The following SPDYE1 variants were observed in gnomAD, a reference collection of about 807,000 sequenced individuals.
The protein encoded by SPDYE1 is speedy/RINGO cell cycle regulator family member E1, also known as speedy protein E1.
SPDYE1 carries 29 observed loss-of-function variants against 45.9 expected under a neutral mutation model. That is an observed-to-expected ratio of 0.63 (90% confidence interval 0.47 to 0.86). The LOEUF (loss-of-function observed/expected upper bound fraction) is 0.86, where lower values mean the gene tolerates loss of function less well. SPDYE1 is among the 40% of genes least tolerant of loss of function. The probability of loss-of-function intolerance (pLI) is 0.00; values close to 1 mark genes in which losing one functional copy is unlikely to be tolerated. For missense variants in SPDYE1, 346 were observed against 481.4 expected, an observed-to-expected ratio of 0.72 and a Z score of 2.63; for synonymous variants, 134 against 176.8, an observed-to-expected ratio of 0.76 and a Z score of 1.92.
rs1237808617 is a variant in SPDYE1 at position 44,009,650 on chromosome 7, A to G, written c.*1029A>G. On this transcript the variant is annotated 3_prime_UTR_variant, in exon 9 of 9. Transcript: ENST00000693451. ...TATTTAAATGTTATTATTACTTTAA[A>G]TATTATTTTAAATATTTTGGAAATA... 17 of 149,338 alleles carry G rather than the reference A, an allele frequency of 1.1e-4. No individual in the cohort carries two copies. In the East Asian group the frequency reaches 2.9e-3, roughly 26 times the overall value. 9.3% of individuals were successfully genotyped at this position (149,338 alleles called of 1,614,324 possible). A position where few individuals can be genotyped will look rare whatever the true frequency, so the allele number is the denominator to read the frequency against.
rs1391685273 is a variant in SPDYE1, at chr7:44,007,201, A to C, written c.753-67A>C. 2.1e-5 allele frequency: 34 copies of C among 1,611,934 alleles called. No homozygotes were observed. In the East Asian group the frequency reaches 7.6e-4, roughly 36 times the overall value. On this transcript the variant is annotated intron_variant, in intron 6 of 8. Transcript: ENST00000693451. ...ACGGTCCCTTACCTTCCTCTCTGGG[A>C]AGCTGACCTCAGCCGGAGGTCTCTC...
intron 8 of SPDYE1, among the ~76,000 whole-genome samples, chr7:44,008,458 G>C (rs548578027): frequency 1.3e-5 from 2 of 152,362 alleles, no homozygotes; most frequent in African/African-American, 4.8e-5. Flanking sequence ...GACCTTGGGT[G>C]TATTAAGTGA....
Position 44,001,211 on chromosome 7 carries a change from C to G in SPDYE1, c.306C>G (p.Leu102=). Residue 102 remains leucine, a synonymous_variant, in exon 3 of 9, where the codon CTC becomes CTG. Coordinates refer to ENST00000693451, the MANE Select transcript of SPDYE1 (RefSeq NM_001378423.2). ...GGGTAGTGGAGACGCTGTGTGGGCT[C>G]AAGATGAAGCTGAAGCAACAGCGAG... The part of the protein sequence containing the change: ...ETWVVETLCG[L]KMKLKQQRVS... 6.3e-7 allele frequency: 1 copy of G among 1,598,082 alleles called. No homozygotes were observed. The highest frequency in any genetic ancestry group is 8.5e-7 in the Non-Finnish European group (1 of 1,179,894).
At chr7:43,999,254 C>T (rs1344868553) in intron 1 of SPDYE1, among the ~76,000 whole-genome samples, 3 of 152,150 alleles carry the variant, frequency 2.0e-5, no homozygotes, top group East Asian at 1.9e-4. Flanking sequence ...GTCTCTTGGA[C>T]TCAAAATTGC....
chr7:44,007,614 G>A, intron 7 of SPDYE1, 28 bp downstream of exon 7: 1 of 1,612,470 alleles, frequency 6.2e-7, no homozygotes, highest in Non-Finnish European at 8.5e-7. Flanking sequence ...AGGTGGAGGA[G>A]GTGGGGAGGA....
At position 44,007,641 on chromosome 7, in the gene SPDYE1, G is replaced by A. The variant is rs933409863; in HGVS notation, c.1071+55G>A. On this transcript the variant is annotated intron_variant, in intron 7 of 8. Transcript: ENST00000693451. ...TGGGGAGGAATTGGGTGGGCTGGAG[G>A]CTGGATGAGGGGAGAGAGGGGTATC... The A allele has an allele frequency of 6.6e-5, 106 of 1,612,110 alleles. 2 individuals are homozygous for A. The Middle Eastern group carries it at 1.6e-3, about 24-fold the overall frequency.
Position 44,008,945 on chromosome 7 carries a change from C to T in SPDYE1, c.*324C>T, listed in dbSNP as rs1173767948. ...GGGCACCACCACCCTTTTTATATTG[C>T]TGAATTCCAACCTCCCTGGGGCGGA... On this transcript the variant is annotated 3_prime_UTR_variant, in exon 9 of 9. Transcript: ENST00000693451. 29 of 527,638 alleles carry T rather than the reference C, an allele frequency of 5.5e-5. 1 individual carries two copies. The Admixed American group carries it at 5.7e-4, about 10-fold the overall frequency. The allele number at this position is 527,638 out of a possible 1,614,324, so 32.7% of individuals were successfully genotyped here.
chr7:44,005,959 G>A (rs1478119337), intron 6 of SPDYE1, among the ~76,000 whole-genome samples: 3 of 152,002 alleles, frequency 2.0e-5, no homozygotes, highest in Non-Finnish European at 4.4e-5. Flanking sequence ...TCCCCGCTGG[G>A]GTCTCCTGGA....
At chr7:44,003,012 G>A (rs1165824837) in intron 4 of SPDYE1, among the ~76,000 whole-genome samples, 195 bp downstream of exon 4, 44 of 67,584 alleles carry the variant, frequency 6.5e-4, no homozygotes, top group Admixed American at 8.9e-4. Context: ...AAAGGTCAGC[G>A]CTTGGGATAA....
Position 44,001,644 on chromosome 7 carries a change from A to G in SPDYE1, c.379+360A>G, listed in dbSNP as rs1471115030. On this transcript the variant is annotated intron_variant, in intron 3 of 8. Coordinates refer to ENST00000693451, the MANE Select transcript of SPDYE1 (RefSeq NM_001378423.2). ...ACTCCAGCCTGGGTGACAGAGCAAA[A>G]CCCTGTGTCAAAAGAAAAACGAAGG... is the stretch of plus-strand genomic sequence containing the variant. Among the ~76,000 whole-genome samples, 7 of 152,068 alleles carry G rather than the reference A, an allele frequency of 4.6e-5. No homozygotes were observed. The South Asian group carries it at 1.5e-3, about 32-fold the overall frequency.
Position 44,007,543 on chromosome 7 carries a change from C to T in SPDYE1, c.1028C>T (p.Ser343Phe), listed in dbSNP as rs144737152. Residue 343 changes from serine (S) to phenylalanine (F), a missense_variant, in exon 7 of 9, where the codon TCC (serine) becomes TTC (phenylalanine). By Grantham distance (155) the Ser-to-Phe change is radical. Transcript: ENST00000693451. ...FQKRRFHFFC[S>F]MSCRAWVSPE... Reference sequence around the variant, plus strand: ...AAACGTCGGTTCCACTTCTTCTGTTCCATGAGCTGCAGGGCTTGGGTTTCC... The same window carrying T: ...AAACGTCGGTTCCACTTCTTCTGTTTCATGAGCTGCAGGGCTTGGGTTTCC... The T allele has an allele frequency of 5.5e-5, 89 of 1,613,452 alleles. No homozygotes were observed. Among genetic ancestry groups the T allele is most frequent in the Non-Finnish European group, 7.3e-5 (86 of 1,180,052 alleles).
At chr7:43,999,349 A>C (rs2096059505) in intron 1 of SPDYE1, among the ~76,000 whole-genome samples, 179 bp from the exon 2 acceptor site, 1 of 152,108 alleles carries the variant, frequency 6.6e-6, no homozygotes, top group Non-Finnish European at 1.5e-5. Flanking sequence ...GCTCTGCCAA[A>C]CTGAGTGCTC....
At chr7:44,002,921 G>C in intron 4 of SPDYE1, 104 bp downstream of exon 4, 1 of 664,784 alleles carries the variant, frequency 1.5e-6, no homozygotes, top group East Asian at 2.8e-5. Context: ...CCCAGTGGGT[G>C]AGCTCTCCAT....
intron 1 of SPDYE1, among the ~76,000 whole-genome samples, chr7:43,999,079 A>G (rs1198768500): frequency 6.6e-6 from 1 of 151,698 alleles, no homozygotes; most frequent in East Asian, 1.9e-4. Context: ...CATATGATAC[A>G]AAACTTGATA....
In SPDYE1 at chr7:43,999,569, C is replaced by T. The variant is rs569038695; in HGVS notation, c.-381C>T. On this transcript the variant is annotated 5_prime_UTR_variant, in exon 2 of 9. Coordinates refer to ENST00000693451, the MANE Select transcript of SPDYE1 (RefSeq NM_001378423.2). ...GGCACGTACAGAGACGAAGAGACCC[C>T]AACATGCTTCAGGCTTTGAGTGGAG... Among the ~76,000 whole-genome samples the T allele has an allele frequency of 3.9e-5, 6 of 152,096 alleles. No homozygotes were observed. The South Asian group carries it at 1.3e-3, about 32-fold the overall frequency.
In SPDYE1 at chr7:44,005,243, C is replaced by T. The variant is rs1210137347; in HGVS notation, c.752+16C>T. On this transcript the variant is annotated intron_variant, in intron 6 of 8. Coordinates refer to ENST00000693451, the MANE Select transcript of SPDYE1 (RefSeq NM_001378423.2). Reference sequence around the variant, plus strand: ...TCCTGGCTCTGTGAGTGGTTTGCTGCCTCCTATCCGTCAATATCCAATGCC... The same window carrying T: ...TCCTGGCTCTGTGAGTGGTTTGCTGTCTCCTATCCGTCAATATCCAATGCC... The T allele has an allele frequency of 6.2e-7, 1 of 1,611,850 alleles. No homozygotes were observed. The highest frequency in any genetic ancestry group is 2.2e-5 in the East Asian group (1 of 44,880).
chr7:44,009,420 C>T lies in SPDYE1; in HGVS notation c.*799C>T, dbSNP rs2096076175. On this transcript the variant is annotated 3_prime_UTR_variant, in exon 9 of 9. Transcript: ENST00000693451. Reference sequence around the variant, plus strand: ...CTATTTATAGCTATTGGTAGTTCCCCTAAATTCTGACGATAGAAATTTTTA... The same window carrying T: ...CTATTTATAGCTATTGGTAGTTCCCTTAAATTCTGACGATAGAAATTTTTA... 1 of 151,632 alleles carries T rather than the reference C, an allele frequency of 6.6e-6. No homozygotes were observed. The highest frequency in any genetic ancestry group is 2.4e-5 in the African/African-American group (1 of 41,318). The allele number at this position is 151,632 out of a possible 1,614,324, so 9.4% of individuals were successfully genotyped here.
intron 6 of SPDYE1, among the ~76,000 whole-genome samples, chr7:44,005,945 A>G (rs1303156592): frequency 2.6e-5 from 4 of 152,004 alleles, no homozygotes; most frequent in Admixed American, 2.0e-4. Context: ...CCACTGTCAA[A>G]TGCTCCCCGC....
At chr7:43,999,280 G>A (rs1024897029) in intron 1 of SPDYE1, among the ~76,000 whole-genome samples, 16 of 152,148 alleles carry the variant, frequency 1.1e-4, no homozygotes, top group African/African-American at 3.9e-4. Context: ...GGCAGAGGAC[G>A]TATGTACCCC....
Sources: allele counts gnomAD v4.1 joint callset (sites outside exome capture counted in the v4.1 genomes callset), GRCh38; gene constraint gnomAD v4.1.1; transcripts MANE v1.5; gene names NCBI Gene and HGNC (gene_info 2026-07-23, HGNC 2026-07-21).